CENPT: variants seen among roughly 807,000 people sequenced by gnomAD.
CENPT encodes the protein interphase centromere complex protein 22.
Under a neutral mutation model 59.7 loss-of-function variants are expected in CENPT, and 42 were observed. The observed-to-expected ratio is 0.70, with a 90% CI of 0.55 to 0.91. The LOEUF is 0.91. Among genes scored for constraint, CENPT ranks in the 40% least tolerant of loss-of-function variants. The probability of loss-of-function intolerance (pLI) is 0.00; values close to 1 mark genes in which losing one functional copy is unlikely to be tolerated. For missense variants in CENPT, 716 were observed against 713.4 expected (o/e 1.00, Z -0.04); for synonymous variants, 295 against 289.6 (o/e 1.02, Z -0.19).
chr16:67,831,350 T>G lies in CENPT; in HGVS notation c.569A>C (p.Asn190Thr). 1 of 1,613,614 alleles carries G rather than the reference T, an allele frequency of 6.2e-7. No homozygotes were observed. The highest frequency in any genetic ancestry group is 8.5e-7 in the Non-Finnish European group (1 of 1,179,678). The stretch of plus-strand genomic sequence containing the variant: ...CTGAAGAGGTGTGGCAAAGGTCAGG[T>G]TGAGGGATCTGGTGAGGTGGGGAGG... ...ADASSLTRSL[N>T]LTFATPLQPQ... The change falls in exon 10 of 16, where the codon AAC becomes ACC. Residue 190 changes from asparagine (N) to threonine (T), a missense_variant. Asn to Thr is a moderately conservative substitution (Grantham distance 65). Transcript: ENST00000562787.
Position 67,842,905 on chromosome 16 carries a change from G to A in CENPT, c.-492+4496C>T. ...AGCAGCAGCAGCAACAGCAGCAACA[G>A]CAGCAGCAGCAGCAACAGCAGCAGC... On this transcript the variant is annotated intron_variant, in intron 1 of 15. Coordinates refer to ENST00000562787, the MANE Select transcript of CENPT (RefSeq NM_025082.4). The surrounding 1 kb of genome is among the most constrained non-coding windows in gnomAD (Gnocchi z 4.9). 2.6e-6 allele frequency: 4 copies of A among 1,559,904 alleles called. No homozygotes were observed. Among genetic ancestry groups the A allele is most frequent in the Non-Finnish European group, 1.7e-6 (2 of 1,152,348 alleles).
intron 1 of CENPT, among the ~76,000 whole-genome samples, chr16:67,839,809 G>T (rs1470130731): frequency 6.6e-6 from 1 of 151,940 alleles, no homozygotes; most frequent in Non-Finnish European, 1.5e-5. Flanking sequence ...GGGAGGTGGA[G>T]GTTGCAGTAA....
intron 1 of CENPT, among the ~76,000 whole-genome samples, chr16:67,841,192 A>C (rs1327866617): frequency 7.8e-6 from 1 of 127,598 alleles, no homozygotes; most frequent in Non-Finnish European, 1.6e-5. Flanking sequence ...AGACTCCTTT[A>C]CAAAAAAAAA....
intron 1 of CENPT, among the ~76,000 whole-genome samples, chr16:67,845,629 T>C (rs527746798): frequency 5.0e-4 from 76 of 152,366 alleles, no homozygotes; most frequent in African/African-American, 1.7e-3. Context: ...CTGCTGTTTC[T>C]GCATTGGCTC....
rs774473286 is a variant in CENPT, at chr16:67,843,325, C to T, written c.-492+4076G>A. On this transcript the variant is annotated intron_variant, in intron 1 of 15. Transcript: ENST00000562787. This position sits in a 1 kb window ranked among gnomAD's most constrained non-coding sequence, Gnocchi z 5.7. The stretch of plus-strand genomic sequence containing the variant: ...CGTCAGGCACCACGGAGGAGGAGCT[C>T]CTGCGCAAGCTGAATGAGCAGCGGG... 6.2e-7 allele frequency: 1 copy of T among 1,613,894 alleles called. No homozygotes were observed. Among genetic ancestry groups the T allele is most frequent in the Non-Finnish European group, 8.5e-7 (1 of 1,180,050 alleles).
rs1411112126 is a variant in CENPT, at chr16:67,842,459, C to T, written c.-492+4942G>A. 13 of 1,024,490 alleles carry T rather than the reference C, an allele frequency of 1.3e-5. No individual in the cohort carries two copies. In the East Asian group the frequency reaches 4.6e-4, roughly 37 times the overall value. 63.5% of individuals were successfully genotyped at this position (1,024,490 alleles called of 1,614,324 possible). On this transcript the variant is annotated intron_variant, in intron 1 of 15. Transcript: ENST00000562787. The surrounding 1 kb of genome is among the most constrained non-coding windows in gnomAD (Gnocchi z 4.9). ...GTGGGATACCACCCAAGGCCTCGCGCGGCGCCGCCCGTCGAGGGGCGGGCG... is the reference window on the plus strand; with the variant it reads ...GTGGGATACCACCCAAGGCCTCGCGTGGCGCCGCCCGTCGAGGGGCGGGCG...
At position 67,831,367 on chromosome 16, in the gene CENPT, G is replaced by A. The variant is rs756984464; in HGVS notation, c.561-9C>T. 1.1e-5 allele frequency: 18 copies of A among 1,611,970 alleles called. No homozygotes were observed. In the South Asian group the frequency reaches 1.6e-4, roughly 15 times the overall value. On this transcript the variant is annotated splice_polypyrimidine_tract_variant and intron_variant, in intron 9 of 15. Coordinates refer to ENST00000562787, the MANE Select transcript of CENPT (RefSeq NM_025082.4). Reference sequence around the variant, plus strand: ...AGGTCAGGTTGAGGGATCTGGTGAGGTGGGGAGGCACAGAGGAAAGTCAGG... The same window carrying A: ...AGGTCAGGTTGAGGGATCTGGTGAGATGGGGAGGCACAGAGGAAAGTCAGG...
In CENPT at chr16:67,829,997, A is replaced by G. The variant is rs573330933; in HGVS notation, c.954T>C (p.Ser318=). 61 of 1,614,134 alleles carry G rather than the reference A, an allele frequency of 3.8e-5. No individual in the cohort carries two copies. Among genetic ancestry groups the G allele is most frequent in the South Asian group, 2.5e-4 (23 of 91,084 alleles). ...GTAAGGGCTCTACTTCATCTTCTCC[A>G]GAGACACCACTGCTGGTGCTCAGGA... ...LGFLSTSSGV[S]GEDEVEPLHD... Residue 318 remains serine (S), a synonymous_variant, in exon 12 of 16, where the codon TCT becomes TCC. Coordinates refer to ENST00000562787, the MANE Select transcript of CENPT (RefSeq NM_025082.4).
Position 67,842,854 on chromosome 16 carries a change from C to G in CENPT, c.-492+4547G>C, listed in dbSNP as rs1382130494. ...GCAGACCCGCTGGGGCCGCGGCCGC[C>G]CGCCGCAGGCAGCAGCAGCAACAGC... On this transcript the variant is annotated intron_variant, in intron 1 of 15. Transcript: ENST00000562787. The surrounding 1 kb of genome is among the most constrained non-coding windows in gnomAD (Gnocchi z 4.9). 1 of 1,609,264 alleles carries G rather than the reference C, an allele frequency of 6.2e-7. No homozygotes were observed. The highest frequency in any genetic ancestry group is 1.3e-5 in the African/African-American group (1 of 74,694).
In CENPT at chr16:67,842,395, A is replaced by C; in HGVS notation, c.-492+5006T>G. ...GGCCGGCAGGAAGCGTATTCTGGGC[A>C]CGGGGCGCCGGGCGGGCCGGCTGCG... On this transcript the variant is annotated intron_variant, in intron 1 of 15. Transcript: ENST00000562787. This position sits in a 1 kb window ranked among gnomAD's most constrained non-coding sequence, Gnocchi z 4.9. 2.8e-6 allele frequency: 1 copy of C among 353,606 alleles called. No homozygotes were observed. The highest frequency in any genetic ancestry group is 4.4e-6 in the Non-Finnish European group (1 of 228,124). 21.9% of individuals were successfully genotyped at this position (353,606 alleles called of 1,614,324 possible). A position where few individuals can be genotyped will look rare whatever the true frequency, so the allele number is the denominator to read the frequency against.
intron 4 of CENPT, among the ~76,000 whole-genome samples, chr16:67,833,147 C>T (rs1466953980): frequency 6.6e-6 from 1 of 152,228 alleles, no homozygotes; most frequent in East Asian, 1.9e-4. Flanking sequence ...CCACAGCCCT[C>T]ACCCACTGCC....
chr16:67,836,303 G>A (rs1376417653), intron 1 of CENPT, among the ~76,000 whole-genome samples: 12 of 151,490 alleles, frequency 7.9e-5, no homozygotes, highest in Non-Finnish European at 5.9e-5. Flanking sequence ...CTCATGATCC[G>A]CCCACCTCAG....
At chr16:67,839,823 G>A (rs181663758) in intron 1 of CENPT, among the ~76,000 whole-genome samples, 47 of 152,054 alleles carry the variant, frequency 3.1e-4, no homozygotes, top group African/African-American at 1.1e-3. Context: ...GCAGTAAGCC[G>A]AGATCGCACC....
At chr16:67,838,359 T>C (rs958152259) in intron 1 of CENPT, among the ~76,000 whole-genome samples, 9 of 152,002 alleles carry the variant, frequency 5.9e-5, no homozygotes, top group Non-Finnish European at 1.0e-4. Flanking sequence ...CGGTGGTTCA[T>C]GCCTGTAATC....
At chr16:67,837,594 G>A (rs2151287723) in intron 1 of CENPT, among the ~76,000 whole-genome samples, 1 of 152,198 alleles carries the variant, frequency 6.6e-6, no homozygotes, top group East Asian at 1.9e-4. Context: ...TGTAATCCCA[G>A]CTACTCGGGA....
chr16:67,846,231 CACTT>C (rs1442590865), intron 1 of CENPT, among the ~76,000 whole-genome samples: 8 of 152,258 alleles, frequency 5.3e-5, no homozygotes, highest in African/African-American at 1.2e-4. Flanking sequence ...AAAAATGAAA[CACTT>C]AGCTGCTCTA....
intron 10 of CENPT, 34 bp downstream of exon 10, chr16:67,831,182 C>T (rs1185160826): frequency 6.2e-7 from 1 of 1,613,462 alleles, no homozygotes; most frequent in Admixed American, 1.7e-5. Context: ...GGAGAGCTTT[C>T]CCCAAAGGCC....
chr16:67,833,854 A>G lies in CENPT; in HGVS notation c.6T>C (p.Ala2=). The change falls in exon 4 of 16, where the codon GCT becomes GCC. Residue 2 remains alanine, a synonymous_variant. Coordinates refer to ENST00000562787, the MANE Select transcript of CENPT (RefSeq NM_025082.4). ...TGGAGTCGCTGTCAGGGTTGTGGTC[A>G]GCCATCGTCTCGGCCCCGGGCCCTC... M[A]DHNPDSDSTP... is the part of the protein sequence containing the mutation. 6.5e-7 allele frequency: 1 copy of G among 1,544,148 alleles called. No individual in the cohort carries two copies. The highest frequency in any genetic ancestry group is 8.7e-7 in the Non-Finnish European group (1 of 1,148,046).
chr16:67,830,502 G>A lies in CENPT; in HGVS notation c.750C>T (p.Gly250=), dbSNP rs1385702200. Residue 250 remains glycine (G), a synonymous_variant, in exon 11 of 16, where the codon GGC becomes GGT. Coordinates refer to ENST00000562787, the MANE Select transcript of CENPT (RefSeq NM_025082.4). ...DTQPFSQPMV[G]SPNVYHSLPC... is the part of the protein sequence containing the mutation. ...GCAGGGAGTGATACACGTTGGGGGA[G>A]CCAACCATGGGCTGAGAGAACGGCT... The A allele has an allele frequency of 1.2e-6, 2 of 1,614,092 alleles. No individual in the cohort carries two copies. Among genetic ancestry groups the A allele is most frequent in the Non-Finnish European group, 8.5e-7 (1 of 1,179,990 alleles).
Sources: allele counts gnomAD v4.1 joint callset (sites outside exome capture counted in the v4.1 genomes callset), GRCh38; gene constraint gnomAD v4.1.1; non-coding constraint Gnocchi (gnomAD v3.1); transcripts MANE v1.5; gene names NCBI Gene and HGNC (gene_info 2026-07-23, HGNC 2026-07-21).